ZGRF1: variants seen among roughly 807,000 people sequenced by gnomAD.
ZGRF1 encodes the protein zinc finger GRF-type containing 1.
Under a neutral mutation model 203.5 loss-of-function variants are expected in ZGRF1, and 196 were observed. The ratio of observed to expected loss-of-function variants is 0.96; its 90% CI spans 0.86 to 1.08. ZGRF1 has a LOEUF of 1.08. ZGRF1 is among the 50% of genes least tolerant of loss of function. The pLI, the probability that ZGRF1 is intolerant of heterozygous loss-of-function variation, is 0.00. For missense variants in ZGRF1, 2,326 were observed against 2,416.3 expected (o/e 0.96, Z 0.78); for synonymous variants, 809 against 841.3 (o/e 0.96, Z 0.66).
intron 10 of ZGRF1, among the ~76,000 whole-genome samples, chr4:112,598,618 C>T (rs1330606366): frequency 1.3e-5 from 2 of 151,838 alleles, no homozygotes; most frequent in Non-Finnish European, 2.9e-5. Context: ...TTAAAAGCAT[C>T]AAGGTGCTTT....
chr4:112,619,055 C>T lies in ZGRF1; in HGVS notation c.987G>A (p.Met329Ile), dbSNP rs1393746966. The T allele has an allele frequency of 1.2e-6, 2 of 1,614,054 alleles. No homozygotes were observed. Among genetic ancestry groups the T allele is most frequent in the Admixed American group, 3.3e-5 (2 of 60,012 alleles). ...TAGGTGAACTCTGTGAGGATAAATA[C>T]ATGGCCCACCGGCTTTTATTTCTCA... ...NTMRNKSRWAMYLSSQSSPIH... is the reference protein window; with the variant it reads ...NTMRNKSRWAIYLSSQSSPIH... The change falls in exon 6 of 28, where the codon ATG becomes ATA. Residue 329 changes from methionine (M) to isoleucine (I), a missense_variant. Coordinates refer to ENST00000505019, the MANE Select transcript of ZGRF1 (RefSeq NM_018392.5).
Position 112,586,548 on chromosome 4 carries a change from C to T in ZGRF1, c.3813G>A (p.Gly1271=). 1 of 1,612,670 alleles carries T rather than the reference C, an allele frequency of 6.2e-7. No homozygotes were observed. Among genetic ancestry groups the T allele is most frequent in the Non-Finnish European group, 8.5e-7 (1 of 1,179,094 alleles). Residue 1271 remains glycine (G), a synonymous_variant, in exon 13 of 28, where the codon GGG becomes GGA. Transcript: ENST00000505019. ...GAAGATAAGCAGATTTTATTTTCTG[C>T]CCACTTGGAAAGCACAGCTCAGAGC... ...ISGSELCFPS[G]QKIKSAYLPQ...
At position 112,578,019 on chromosome 4, in the gene ZGRF1, T is replaced by C. The variant is rs375073799; in HGVS notation, c.4438+3644A>G. ...ACCACACCTATTCCAAAATTGACCATATAGTTGGAAGTAAAACACTCCTCA... is the reference window on the plus strand; with the variant it reads ...ACCACACCTATTCCAAAATTGACCACATAGTTGGAAGTAAAACACTCCTCA... On this transcript the variant is annotated intron_variant, in intron 16 of 27. Coordinates refer to ENST00000505019, the MANE Select transcript of ZGRF1 (RefSeq NM_018392.5). 1.1e-4 allele frequency among the ~76,000 whole-genome samples: 13 copies of C among 122,048 alleles called. 3 individuals carry two copies. Among genetic ancestry groups the C allele is most frequent in the Admixed American group, 5.7e-4 (6 of 10,612 alleles). 80.1% of individuals were successfully genotyped at this position (122,048 alleles called of 152,430 possible). A position where few individuals can be genotyped will look rare whatever the true frequency, so the allele number is the denominator to read the frequency against.
chr4:112,551,243 G>A (rs1223605291), intron 22 of ZGRF1, among the ~76,000 whole-genome samples: 2 of 152,160 alleles, frequency 1.3e-5, no homozygotes, highest in Non-Finnish European at 2.9e-5. Flanking sequence ...GCTATACTAT[G>A]TAGCCTAGTG....
chr4:112,606,162 A>G, intron 8 of ZGRF1, 71 bp from the exon 9 acceptor site: 1 of 1,021,742 alleles, frequency 9.8e-7, no homozygotes, highest in Non-Finnish European at 1.5e-6. Context: ...ATTTTGATGG[A>G]AAAATAATTG....
intron 6 of ZGRF1, among the ~76,000 whole-genome samples, chr4:112,614,849 A>G (rs938655424): frequency 2.0e-5 from 3 of 152,008 alleles, no homozygotes; most frequent in African/African-American, 7.2e-5. Context: ...GTCCCCTAAG[A>G]ATAGTGCTAT....
chr4:112,633,201 G>C lies in ZGRF1; in HGVS notation c.-25C>G. ...TTATTTCTTCTGAAGTTATAAACCAGCTGGGTCCAGAAAATAGGAAATATT... is the reference window on the plus strand; with the variant it reads ...TTATTTCTTCTGAAGTTATAAACCACCTGGGTCCAGAAAATAGGAAATATT... On this transcript the variant is annotated 5_prime_UTR_variant, in exon 2 of 28. Coordinates refer to ENST00000505019, the MANE Select transcript of ZGRF1 (RefSeq NM_018392.5). The C allele has an allele frequency of 6.3e-7, 1 of 1,596,792 alleles. No homozygotes were observed. Among genetic ancestry groups the C allele is most frequent in the South Asian group, 1.1e-5 (1 of 89,882 alleles).
intron 6 of ZGRF1, among the ~76,000 whole-genome samples, chr4:112,614,812 G>A (rs1350638792): frequency 6.6e-6 from 1 of 151,176 alleles, no homozygotes; most frequent in East Asian, 2.0e-4. Context: ...GGGCAACAGA[G>A]CGAGACTCTG....
At chr4:112,629,188 T>C (rs2149204474) in intron 3 of ZGRF1, among the ~76,000 whole-genome samples, 1 of 152,352 alleles carries the variant, frequency 6.6e-6, no homozygotes, top group East Asian at 1.9e-4. Flanking sequence ...AGTTCATTGA[T>C]ATGATAACTC....
chr4:112,559,192 G>T (rs1198678868), intron 19 of ZGRF1, among the ~76,000 whole-genome samples: 1 of 151,078 alleles, frequency 6.6e-6, no homozygotes, highest in African/African-American at 2.4e-5. Flanking sequence ...AGCAATGGTT[G>T]TTTTTTTTTG....
At chr4:112,609,750 AT>A (rs1751306137) in intron 7 of ZGRF1, among the ~76,000 whole-genome samples, 1 of 151,678 alleles carries the variant, frequency 6.6e-6, no homozygotes, top group South Asian at 2.1e-4. Flanking sequence ...GTGGGCCAAG[AT>A]TGCGCCACTG....
chr4:112,622,320 A>C (rs1034310297), intron 4 of ZGRF1, among the ~76,000 whole-genome samples: 2 of 151,622 alleles, frequency 1.3e-5, no homozygotes, highest in Non-Finnish European at 2.9e-5. Flanking sequence ...GGAGTTCAAG[A>C]CCAGCCTGGC....
chr4:112,609,336 A>C (rs775748915), intron 8 of ZGRF1, 43 bp downstream of exon 8: 28 of 1,061,518 alleles, frequency 2.6e-5, no homozygotes, highest in Middle Eastern at 4.7e-4. Context: ...TACAGGCATG[A>C]GCCACCATGC....
chr4:112,557,270 C>G (rs1229457033), intron 20 of ZGRF1, among the ~76,000 whole-genome samples: 1 of 151,802 alleles, frequency 6.6e-6, no homozygotes, highest in East Asian at 1.9e-4. Flanking sequence ...CTCCTGAGTT[C>G]AAGCAATTCT....
At chr4:112,598,093 T>TG (rs57448004) in intron 10 of ZGRF1, among the ~76,000 whole-genome samples, 83,338 of 151,766 alleles carry the variant, frequency 0.55, 23,548 homozygotes, top group East Asian at 0.82. Flanking sequence ...AAAGGAGACA[T>TG]GGTGTTCAAG....
At chr4:112,559,582 A>G (rs908067536) in intron 19 of ZGRF1, among the ~76,000 whole-genome samples, 1 of 152,250 alleles carries the variant, frequency 6.6e-6, no homozygotes, top group Non-Finnish European at 1.5e-5. Context: ...TCAATTAGAA[A>G]GTTGTGTGAG....
intron 15 of ZGRF1, among the ~76,000 whole-genome samples, chr4:112,583,474 A>G (rs915835780): frequency 3.3e-5 from 5 of 152,164 alleles, no homozygotes; most frequent in African/African-American, 1.2e-4. Context: ...TATTGCTGAC[A>G]TTGTTTGATG....
intron 8 of ZGRF1, among the ~76,000 whole-genome samples, chr4:112,608,896 A>C (rs1406889993): frequency 6.6e-6 from 1 of 152,158 alleles, no homozygotes; most frequent in Non-Finnish European, 1.5e-5. Context: ...ATGGTAAAGA[A>C]TTTGTTATTT....
At chr4:112,619,861 A>C (rs887694304) in intron 5 of ZGRF1, 141 bp downstream of exon 5, 77 of 904,166 alleles carry the variant, frequency 8.5e-5, no homozygotes, top group Non-Finnish European at 1.2e-4. Context: ...GATTTTTCAA[A>C]GTAGGGTTTA....
Sources: gnomAD v4.1 joint callset for allele counts (sites outside exome capture counted in the v4.1 genomes callset) on GRCh38, gnomAD v4.1.1 for gene constraint, MANE v1.5 for transcripts, NCBI Gene and HGNC (gene_info 2026-07-23, HGNC 2026-07-21) for gene names.